The following CDK8 variants were observed in gnomAD, a reference collection of about 807,000 sequenced individuals.
The protein encoded by CDK8 is cyclin-dependent kinase 8.
A neutral mutation model predicts 71.5 loss-of-function variants in CDK8; 29 were observed. The ratio of observed to expected loss-of-function variants is 0.41; its 90% CI spans 0.30 to 0.55. The LOEUF (loss-of-function observed/expected upper bound fraction) is 0.55. CDK8 is among the 20% of genes least tolerant of loss of function. The pLI, the probability that CDK8 is intolerant of heterozygous loss-of-function variation, is 0.37. For missense variants in CDK8, 288 were observed against 572.6 expected (o/e 0.50, Z 5.07); for synonymous variants, 161 against 192.1 (o/e 0.84, Z 1.34).
intron 4 of CDK8, among the ~76,000 whole-genome samples, chr13:26,376,529 T>G (rs1874961639): frequency 6.6e-6 from 1 of 152,238 alleles, no homozygotes; most frequent in South Asian, 2.1e-4. Context: ...AAGTAAGTTG[T>G]ATCTGTGCCC....
At chr13:26,299,391 A>G (rs1270480728) in intron 1 of CDK8, among the ~76,000 whole-genome samples, 1 of 152,184 alleles carries the variant, frequency 6.6e-6, no homozygotes, top group African/African-American at 2.4e-5. Context: ...GGGATAGCCT[A>G]CTACACACCT....
chr13:26,354,189 G>A (rs1873798393), intron 4 of CDK8, among the ~76,000 whole-genome samples: 1 of 152,132 alleles, frequency 6.6e-6, no homozygotes, highest in Admixed American at 6.5e-5. Flanking sequence ...AAGGCCAACT[G>A]TAGAAATTTA....
chr13:26,379,198 C>T (rs146269504), intron 4 of CDK8, among the ~76,000 whole-genome samples: 12 of 152,182 alleles, frequency 7.9e-5, no homozygotes, highest in Non-Finnish European at 1.8e-4. Context: ...CACTTAAGAC[C>T]ATTGTCTTTT....
At chr13:26,390,960 A>T (rs1242608417) in intron 6 of CDK8, among the ~76,000 whole-genome samples, 1 of 151,594 alleles carries the variant, frequency 6.6e-6, no homozygotes, top group Non-Finnish European at 1.5e-5. Context: ...TTTGGCAGGC[A>T]GGTGAACACT....
intron 3 of CDK8, among the ~76,000 whole-genome samples, chr13:26,352,313 T>C (rs1053618711): frequency 2.0e-5 from 3 of 152,162 alleles, no homozygotes; most frequent in African/African-American, 7.2e-5. Flanking sequence ...CCTTCCAGGT[T>C]CACGCCATTC....
At chr13:26,382,172 A>G (rs1261382046) in intron 4 of CDK8, among the ~76,000 whole-genome samples, 2 of 152,198 alleles carry the variant, frequency 1.3e-5, no homozygotes, top group Non-Finnish European at 2.9e-5. Flanking sequence ...ATAAAAGACT[A>G]TAGGTGACAA....
At chr13:26,340,936 T>C (rs1873214048) in intron 2 of CDK8, among the ~76,000 whole-genome samples, 1 of 152,218 alleles carries the variant, frequency 6.6e-6, no homozygotes, top group Non-Finnish European at 1.5e-5. Context: ...CTTCATTTTT[T>C]TGTAAGTGAT....
chr13:26,344,377 C>G (rs1175274489), intron 2 of CDK8, among the ~76,000 whole-genome samples: 2 of 152,056 alleles, frequency 1.3e-5, no homozygotes, highest in Non-Finnish European at 2.9e-5. Context: ...TTTTCGTAAG[C>G]TAAGGTACAT....
At chr13:26,327,071 A>G (rs1339093327) in intron 1 of CDK8, among the ~76,000 whole-genome samples, 1 of 152,192 alleles carries the variant, frequency 6.6e-6, no homozygotes, top group African/African-American at 2.4e-5. Context: ...GGATACTGAA[A>G]TCTAGAAACA....
intron 1 of CDK8, among the ~76,000 whole-genome samples, chr13:26,336,071 C>G (rs1872967085): frequency 6.6e-6 from 1 of 151,908 alleles, no homozygotes; most frequent in Admixed American, 6.6e-5. Flanking sequence ...CCCTCAAATG[C>G]TTTTTCTCTT....
intron 1 of CDK8, among the ~76,000 whole-genome samples, chr13:26,316,576 T>C (rs1874522911): frequency 6.6e-6 from 1 of 152,180 alleles, no homozygotes; most frequent in Admixed American, 6.5e-5. Flanking sequence ...TGACTGCTCA[T>C]GCCCAGGGAA....
chr13:26,314,486 A>G (rs1023840028), intron 1 of CDK8, among the ~76,000 whole-genome samples: 2 of 152,222 alleles, frequency 1.3e-5, no homozygotes, highest in South Asian at 2.1e-4. Context: ...GTAGTTCTTT[A>G]TAGGTCTGTT....
chr13:26,393,478 A>G lies in CDK8; in HGVS notation c.758A>G (p.Asp253Gly). The G allele has an allele frequency of 6.2e-7, 1 of 1,611,810 alleles. No homozygotes were observed. The highest frequency in any genetic ancestry group is 8.5e-7 in the Non-Finnish European group (1 of 1,178,586). The change falls in exon 7 of 13, where the codon GAC becomes GGC. Residue 253 changes from aspartate to glycine, a missense_variant. By Grantham distance (94) the Asp-to-Gly change is moderately conservative. Coordinates refer to ENST00000381527, the MANE Select transcript of CDK8 (RefSeq NM_001260.3). ...AATCCTTATCACCATGACCAGCTGG[A>G]CAGAATATTCAATGTAATGGGATTT... ...TSNPYHHDQL[D>G]RIFNVMGFPA...
intron 4 of CDK8, among the ~76,000 whole-genome samples, chr13:26,371,039 A>G (rs1221077730): frequency 1.3e-5 from 2 of 152,092 alleles, no homozygotes; most frequent in Admixed American, 1.3e-4. Flanking sequence ...GTGGTATAGA[A>G]AGTCCCGCAA....
intron 1 of CDK8, among the ~76,000 whole-genome samples, chr13:26,288,383 C>T (rs189825331): frequency 6.6e-6 from 1 of 152,164 alleles, no homozygotes; most frequent in East Asian, 1.9e-4. Context: ...AGTTACTGTA[C>T]ATTTGGTATT....
At chr13:26,276,190 CT>C (rs1872557673) in intron 1 of CDK8, among the ~76,000 whole-genome samples, 1 of 152,130 alleles carries the variant, frequency 6.6e-6, no homozygotes, top group African/African-American at 2.4e-5. Flanking sequence ...ACTTTACATT[CT>C]TACTGGCAGT....
intron 1 of CDK8, among the ~76,000 whole-genome samples, chr13:26,292,488 G>C (rs1165962912): frequency 1.3e-5 from 2 of 152,186 alleles, no homozygotes; most frequent in African/African-American, 4.8e-5. Flanking sequence ...AGAGAGAGTG[G>C]AGGGTCTGCA....
Position 26,316,230 on chromosome 13 carries a change from C to T in CDK8, c.129-21337C>T, listed in dbSNP as rs540865205. Among the ~76,000 whole-genome samples the T allele has an allele frequency of 3.8e-4, 58 of 152,198 alleles. No homozygotes were observed. In the South Asian group the frequency reaches 0.011, roughly 29 times the overall value. On this transcript the variant is annotated intron_variant, in intron 1 of 12. Coordinates refer to ENST00000381527, the MANE Select transcript of CDK8 (RefSeq NM_001260.3). ...AGAAACTTAGCTGGGCATGGTTGCA[C>T]ATACCTGTAGTCCCAGCTACTTGGG...
intron 1 of CDK8, among the ~76,000 whole-genome samples, chr13:26,331,749 C>A (rs2420129): frequency 0.87 from 132,525 of 152,140 alleles, 58,293 homozygotes; most frequent in East Asian, 1. Context: ...AATGTGATGC[C>A]TCCAGCTATG....
Sources: gnomAD v4.1 joint callset for allele counts (sites outside exome capture counted in the v4.1 genomes callset) on GRCh38, gnomAD v4.1.1 for gene constraint, MANE v1.5 for transcripts, NCBI Gene and HGNC (gene_info 2026-07-23, HGNC 2026-07-21) for gene names.